The following GREM2 variants were observed in gnomAD, a reference collection of about 807,000 sequenced individuals.
GREM2 encodes gremlin-2.
In GREM2, 11 loss-of-function variants were observed where a neutral mutation model predicts 14.2. The ratio of observed to expected loss-of-function variants is 0.78; its 90% confidence interval spans 0.49 to 1.28. The LOEUF (loss-of-function observed/expected upper bound fraction) is 1.28. GREM2 is among the 50% of genes most tolerant of loss of function. The pLI, the probability that GREM2 is intolerant of heterozygous loss-of-function variation, is 0.00. For missense variants in GREM2, 210 were observed against 218.5 expected (o/e 0.96, Z 0.24); for synonymous variants, 98 against 97.6 (o/e 1.00, Z -0.02).
rs1262630929 is a variant in GREM2, at chr1:240,491,122, T to A, written c.*1847A>T. 1 of 152,190 alleles carries A rather than the reference T, an allele frequency of 6.6e-6. No homozygotes were observed. Among genetic ancestry groups the A allele is most frequent in the Admixed American group, 6.5e-5 (1 of 15,272 alleles). 9.4% of individuals were successfully genotyped at this position (152,190 alleles called of 1,614,324 possible). Reference sequence around the variant, plus strand: ...GCACATTCTTGCTCAGGTCTCATGGTGTTGCAGAAATGACAGAAATGCACC... The same window carrying A: ...GCACATTCTTGCTCAGGTCTCATGGAGTTGCAGAAATGACAGAAATGCACC... On this transcript the variant is annotated 3_prime_UTR_variant, in exon 2 of 2. Coordinates refer to ENST00000318160, the MANE Select transcript of GREM2 (RefSeq NM_022469.4).
At chr1:240,590,996 G>C (rs978344993) in intron 1 of GREM2, among the ~76,000 whole-genome samples, 1 of 150,786 alleles carries the variant, frequency 6.6e-6, no homozygotes, top group Non-Finnish European at 1.5e-5. Context: ...TGGCCAGGCT[G>C]GTCTCAAATG....
At chr1:240,552,009 C>T (rs1035136527) in intron 1 of GREM2, among the ~76,000 whole-genome samples, 2 of 151,780 alleles carry the variant, frequency 1.3e-5, no homozygotes, top group Admixed American at 6.6e-5. Flanking sequence ...AGCCAACATT[C>T]TCCATTGAAC....
intron 1 of GREM2, among the ~76,000 whole-genome samples, chr1:240,578,985 A>G (rs2103374591): frequency 6.6e-6 from 1 of 152,240 alleles, no homozygotes; most frequent in South Asian, 2.1e-4. Flanking sequence ...ACACCTTCAC[A>G]TTCAGGTAGG....
At chr1:240,566,073 T>G (rs185518065) in intron 1 of GREM2, among the ~76,000 whole-genome samples, 90 of 152,154 alleles carry the variant, frequency 5.9e-4, no homozygotes, top group Middle Eastern at 3.4e-3. Context: ...AAACCAGGGG[T>G]CTTTATTTCT....
At chr1:240,513,858 T>C (rs1677891630) in intron 1 of GREM2, among the ~76,000 whole-genome samples, 1 of 152,166 alleles carries the variant, frequency 6.6e-6, no homozygotes, top group South Asian at 2.1e-4. Flanking sequence ...TGGAAGACCA[T>C]TTAAGAATTA....
rs1677302710 is a variant in GREM2 at position 240,493,097 on chromosome 1, G to T, written c.379C>A (p.Arg127Ser). 1 of 1,614,104 alleles carries T rather than the reference G, an allele frequency of 6.2e-7. No homozygotes were observed. The highest frequency in any genetic ancestry group is 8.5e-7 in the Non-Finnish European group (1 of 1,179,964). Residue 127 changes from arginine (R) to serine (S), a missense_variant, in exon 2 of 2, where the codon CGC (arginine) becomes AGC (serine). Coordinates refer to ENST00000318160, the MANE Select transcript of GREM2 (RefSeq NM_022469.4). ...FQSCAFCKPQ[R>S]VTSVLVELEC... ...AGCTCCACGAGGACGGAGGTGACGCGCTGGGGCTTGCAGAAGGCGCAGGAC... is the reference window on the plus strand; with the variant it reads ...AGCTCCACGAGGACGGAGGTGACGCTCTGGGGCTTGCAGAAGGCGCAGGAC...
At chr1:240,570,392 G>A (rs759604628) in intron 1 of GREM2, among the ~76,000 whole-genome samples, 3 of 152,134 alleles carry the variant, frequency 2.0e-5, no homozygotes, top group East Asian at 3.9e-4. Flanking sequence ...AACCCAGGAG[G>A]TGGAGGTTGC....
At chr1:240,538,328 A>G (rs1678518635) in intron 1 of GREM2, among the ~76,000 whole-genome samples, 1 of 152,176 alleles carries the variant, frequency 6.6e-6, no homozygotes, top group South Asian at 2.1e-4. Context: ...CAACCCTTTC[A>G]GTAACCTGGG....
intron 1 of GREM2, among the ~76,000 whole-genome samples, chr1:240,528,321 A>T (rs971512569): frequency 7.9e-5 from 12 of 152,224 alleles, no homozygotes; most frequent in African/African-American, 2.6e-4. Flanking sequence ...AGGGACTTTG[A>T]CATTTCTGGG....
chr1:240,511,970 C>G (rs561367668), intron 1 of GREM2, among the ~76,000 whole-genome samples: 11 of 152,230 alleles, frequency 7.2e-5, no homozygotes, highest in African/African-American at 2.6e-4. Context: ...CCAGACCAGG[C>G]CAAGGAGCTG....
chr1:240,532,668 GATAGATAGATAGATAGATAT>G lies in GREM2; in HGVS notation c.-1-39212_-1-39193del, dbSNP rs1394569266. Among the ~76,000 whole-genome samples the G allele has an allele frequency of 6.0e-4, 90 of 149,130 alleles. 1 individual carries two copies. The highest frequency in any genetic ancestry group is 2.1e-3 in the African/African-American group (81 of 38,876). On this transcript the variant is annotated intron_variant, in intron 1 of 1. Coordinates refer to ENST00000318160, the MANE Select transcript of GREM2 (RefSeq NM_022469.4). ...AGATAGATAGATAGATAGATAGATA[GATAGATAGATAGATAGATAT>G]ATGGCAAGAACCACCTCAGGTAAGA...
intron 1 of GREM2, among the ~76,000 whole-genome samples, chr1:240,596,993 T>TC (rs1679831743): frequency 6.6e-6 from 1 of 152,198 alleles, no homozygotes. Context: ...GCCTGCTCTG[T>TC]CCTTCTTTCT....
chr1:240,520,082 A>AAAAATAAAATAAAAT (rs200273633), intron 1 of GREM2, among the ~76,000 whole-genome samples: 35,598 of 143,974 alleles, frequency 0.25, 4,792 homozygotes, highest in African/African-American at 0.3. Context: ...CTCCATCCCA[A>AAAAATAAAATAAAAT]AAAATAAAAT....
intron 1 of GREM2, among the ~76,000 whole-genome samples, chr1:240,566,400 T>C (rs1679177875): frequency 6.6e-6 from 1 of 152,152 alleles, no homozygotes; most frequent in Non-Finnish European, 1.5e-5. Flanking sequence ...GTGAACCTTA[T>C]GATCGCCCCC....
chr1:240,578,486 T>A lies in GREM2; in HGVS notation c.-2+33398A>T, dbSNP rs1328856535. Among the ~76,000 whole-genome samples the A allele has an allele frequency of 2.6e-5, 4 of 151,878 alleles. No individual in the cohort carries two copies. The East Asian group carries it at 5.8e-4, about 22-fold the overall frequency. On this transcript the variant is annotated intron_variant, in intron 1 of 1. Transcript: ENST00000318160. ...AGGCAATTCTCTGTTAGTTTGCTCA[T>A]CTAAAACATGGGTATAGGCTGGGCA...
chr1:240,509,010 C>T (rs751606550), intron 1 of GREM2, among the ~76,000 whole-genome samples: 29 of 152,200 alleles, frequency 1.9e-4, no homozygotes, highest in Non-Finnish European at 2.1e-4. Context: ...TGCAGTGATA[C>T]GTAGCAATCA....
intron 1 of GREM2, among the ~76,000 whole-genome samples, chr1:240,608,865 G>A (rs1028646138): frequency 7.2e-5 from 11 of 152,122 alleles, no homozygotes; most frequent in Non-Finnish European, 1.2e-4. Context: ...TTTGGCGACC[G>A]GAGTCTTCCT....
At chr1:240,501,172 A>G (rs760646514) in intron 1 of GREM2, among the ~76,000 whole-genome samples, 6 of 152,236 alleles carry the variant, frequency 3.9e-5, no homozygotes, top group Non-Finnish European at 8.8e-5. Context: ...GAGAGAAATT[A>G]AAATATGAGG....
At chr1:240,526,788 C>T (rs1474307320) in intron 1 of GREM2, among the ~76,000 whole-genome samples, 1 of 152,150 alleles carries the variant, frequency 6.6e-6, no homozygotes, top group African/African-American at 2.4e-5. Context: ...TAGTGAAAGT[C>T]CTTCAATATT....
Sources: allele counts gnomAD v4.1 joint callset (sites outside exome capture counted in the v4.1 genomes callset), GRCh38; gene constraint gnomAD v4.1.1; transcripts MANE v1.5; gene names NCBI Gene and HGNC (gene_info 2026-07-23, HGNC 2026-07-21).